Variants in CCPG1 observed in about 807,000 individuals in gnomAD.
The protein encoded by CCPG1 is cell cycle progression protein 1.
A neutral mutation model predicts 81.3 loss-of-function variants in CCPG1; 46 were observed. The ratio of observed to expected loss-of-function variants is 0.57; its 90% CI spans 0.45 to 0.72. CCPG1 has a LOEUF of 0.72. Ranked by LOEUF, CCPG1 falls within the 30% of genes least tolerant of loss-of-function variation. CCPG1 has a pLI of 0.00. For synonymous variants in CCPG1, 330 were observed against 305.2 expected, an observed-to-expected ratio of 1.08 and a Z score of -0.85; for missense variants, 902 against 937.6, an observed-to-expected ratio of 0.96 and a Z score of 0.50.
intron 1 of CCPG1, chr15:55,407,897 G>C (rs988315494): frequency 1.3e-5 from 2 of 152,770 alleles, no homozygotes; most frequent in Non-Finnish European, 2.9e-5. Flanking sequence ...AGCCTGCCCA[G>C]TGAAGGAAGA....
At chr15:55,361,059 AC>A (rs758454785) in intron 7 of CCPG1, 115 bp from the exon 8 acceptor site, 32 of 1,124,268 alleles carry the variant, frequency 2.8e-5, no homozygotes, top group Non-Finnish European at 3.4e-5. Flanking sequence ...TACAGATACA[AC>A]CCCCCGGGTA....
At chr15:55,399,417 CAAAAAAAAAA>C (rs56191750) in intron 1 of CCPG1, among the ~76,000 whole-genome samples, 33 of 63,132 alleles carry the variant, frequency 5.2e-4, no homozygotes, top group Non-Finnish European at 1.0e-3. Context: ...ACTAAAAATA[CAAAAAAAAAA>C]AAAAAAAAAA....
At chr15:55,376,459 A>C (rs568061744) in intron 5 of CCPG1, among the ~76,000 whole-genome samples, 1 of 152,260 alleles carries the variant, frequency 6.6e-6, no homozygotes, top group Non-Finnish European at 1.5e-5. Context: ...GCTTTGGAAG[A>C]CTAGCTGTAT....
intron 5 of CCPG1, chr15:55,372,246 TAC>T: frequency 1.7e-6 from 1 of 593,562 alleles, no homozygotes; most frequent in African/African-American, 1.9e-5. Flanking sequence ...TCAAATGTGA[TAC>T]ACAAGAATCT....
Position 55,356,248 on chromosome 15 carries a change from C to A in CCPG1, c.2396G>T (p.Gly799Val), listed in dbSNP as rs895091777. The change falls in exon 9 of 9, where the codon GGG becomes GTG. Residue 799 changes from glycine (G) to valine (V), a missense_variant. Around this residue, in one of 3 missense-constraint regions of CCPG1, gnomAD observed 128 missense variants for 161.2 expected, o/e 0.79. Transcript: ENST00000442196. ...GTATTGAGGATCAAAAGGTAATTGC[C>A]CCAATTCTATTTCAAGATTTGCCAT... Reference protein sequence around the residue: ...RQMANLEIELGQLPFDPQY With the variant: ...RQMANLEIELVQLPFDPQY 1.6e-5 allele frequency: 25 copies of A among 1,534,342 alleles called. No individual in the cohort carries two copies.
At chr15:55,386,326 T>C (rs2056798539) in intron 2 of CCPG1, among the ~76,000 whole-genome samples, 1 of 152,138 alleles carries the variant, frequency 6.6e-6, no homozygotes, top group Admixed American at 6.6e-5. Context: ...ATGGATTAAA[T>C]AAACCTATAG....
chr15:55,358,971 T>C (rs1464985732), intron 8 of CCPG1: 4 of 975,872 alleles, frequency 4.1e-6, no homozygotes, highest in Middle Eastern at 5.2e-4. Flanking sequence ...AAAATTATTA[T>C]GAAGTACACA....
chr15:55,381,983 ACAT>A (rs1385427231), intron 3 of CCPG1, among the ~76,000 whole-genome samples: 3 of 152,246 alleles, frequency 2.0e-5, no homozygotes, highest in Non-Finnish European at 2.9e-5. Context: ...GTGTGCAATA[ACAT>A]CATGTCTAAA....
chr15:55,393,907 C>T (rs1259899985), intron 1 of CCPG1, among the ~76,000 whole-genome samples: 3 of 152,216 alleles, frequency 2.0e-5, no homozygotes, highest in Non-Finnish European at 2.9e-5. Flanking sequence ...AATTCTATAA[C>T]GGTGCCCTTG....
chr15:55,365,367 A>G, intron 6 of CCPG1, 58 bp from the exon 7 acceptor site: 1 of 1,034,462 alleles, frequency 9.7e-7, no homozygotes, highest in African/African-American at 1.7e-5. Flanking sequence ...TAAATGTTTT[A>G]TGTATTTTTT....
At chr15:55,397,231 A>C (rs531194951) in intron 1 of CCPG1, among the ~76,000 whole-genome samples, 88 of 133,300 alleles carry the variant, frequency 6.6e-4, no homozygotes, top group South Asian at 7.0e-4. Flanking sequence ...AACAAACAAA[A>C]AAAAAAACCC....
chr15:55,393,795 C>T (rs1004907877), intron 1 of CCPG1, among the ~76,000 whole-genome samples: 2 of 152,068 alleles, frequency 1.3e-5, no homozygotes, highest in Non-Finnish European at 2.9e-5. Context: ...ATAGGGCATA[C>T]ACCAAGTAAA....
chr15:55,399,885 C>A (rs919725419), intron 1 of CCPG1: 1 of 152,026 alleles, frequency 6.6e-6, no homozygotes, highest in South Asian at 2.1e-4. Flanking sequence ...CTTGAACTCA[C>A]GAGTTTGAGA....
chr15:55,406,443 TTTTTTTG>T (rs2057224203), intron 1 of CCPG1, among the ~76,000 whole-genome samples: 3 of 132,522 alleles, frequency 2.3e-5, no homozygotes, highest in Admixed American at 1.5e-4. Context: ...TCTCTTTTTT[TTTTTTTG>T]TTTTTTTTTT....
At chr15:55,391,380 C>G (rs913391439) in intron 1 of CCPG1, among the ~76,000 whole-genome samples, 3 of 152,140 alleles carry the variant, frequency 2.0e-5, no homozygotes, top group Non-Finnish European at 4.4e-5. Context: ...CTTCCCAAAG[C>G]GCTGGGATTA....
rs770261032 is a variant in CCPG1, at chr15:55,360,322, G to A, written c.1451C>T (p.Thr484Ile). 2 of 1,613,682 alleles carry A rather than the reference G, an allele frequency of 1.2e-6. No individual in the cohort carries two copies. Among genetic ancestry groups the A allele is most frequent in the Non-Finnish European group, 1.7e-6 (2 of 1,179,930 alleles). ...TGTTTCCTTAACTGAACCCAAAAAT[G>A]TTTCCTTTGACTTATTTTTAGCCCT... is the stretch of plus-strand genomic sequence containing the variant. ...SHRAKNKSKE[T>I]FLGSVKETFD... The change falls in exon 8 of 9, where the codon ACA becomes ATA. Residue 484 changes from threonine to isoleucine, a missense_variant. By Grantham distance (89) the Thr-to-Ile change is moderately conservative. Transcript: ENST00000442196.
intron 5 of CCPG1, chr15:55,372,264 T>A: frequency 5.2e-6 from 3 of 577,728 alleles, no homozygotes; most frequent in Non-Finnish European, 6.1e-6. Flanking sequence ...AATCTGTTAA[T>A]CATACTATTT....
At chr15:55,364,880 T>C (rs867493065) in intron 7 of CCPG1, among the ~76,000 whole-genome samples, 8 of 151,984 alleles carry the variant, frequency 5.3e-5, no homozygotes, top group Non-Finnish European at 1.0e-4. Flanking sequence ...CTCAAATAAA[T>C]AAACAAACAA....
intron 8 of CCPG1, chr15:55,359,272 G>GATTTTATAT: frequency 8.9e-7 from 1 of 1,129,084 alleles, no homozygotes; most frequent in Non-Finnish European, 1.1e-6. Flanking sequence ...GCCAAAGTAG[G>GATTTTATAT]ATTTTATATA....
Sources: allele counts gnomAD v4.1 joint callset (sites outside exome capture counted in the v4.1 genomes callset), GRCh38; gene constraint gnomAD v4.1.1; regional missense constraint gnomAD v4.1.1; transcripts MANE v1.5; gene names NCBI Gene and HGNC (gene_info 2026-07-23, HGNC 2026-07-21).